Variants in XRCC4 observed in about 807,000 individuals in gnomAD.
The protein encoded by XRCC4 is X-ray repair cross complementing 4.
XRCC4 carries 28 observed loss-of-function variants against 39.1 expected under a neutral mutation model. The observed-to-expected ratio is 0.72, with a 90% CI of 0.53 to 0.98. The LOEUF is 0.98. Ranked by LOEUF, XRCC4 falls within the 50% of genes least tolerant of loss-of-function variation. The pLI is 0.00. For missense variants in XRCC4, 350 were observed against 376.4 expected (o/e 0.93, Z 0.58); for synonymous variants, 123 against 126.4 (o/e 0.97, Z 0.18).
At chr5:83,148,015 C>T (rs570120642) in intron 3 of XRCC4, among the ~76,000 whole-genome samples, 4 of 151,952 alleles carry the variant, frequency 2.6e-5, no homozygotes, top group Admixed American at 1.3e-4. Context: ...CTCGAACTCC[C>T]GGTCTCAGGT....
At chr5:83,246,293 A>G (rs550816026) in intron 6 of XRCC4, among the ~76,000 whole-genome samples, 8 of 152,248 alleles carry the variant, frequency 5.3e-5, no homozygotes, top group Admixed American at 4.6e-4. Context: ...TTATTTACAA[A>G]TAATATACTC....
intron 6 of XRCC4, among the ~76,000 whole-genome samples, chr5:83,249,962 C>G (rs941730572): frequency 1.3e-5 from 2 of 152,072 alleles, no homozygotes; most frequent in African/African-American, 4.8e-5. Flanking sequence ...ATGAAAGCCT[C>G]TCTAAGCTTT....
At chr5:83,283,534 T>C (rs1754626234) in intron 7 of XRCC4, among the ~76,000 whole-genome samples, 1 of 152,160 alleles carries the variant, frequency 6.6e-6, no homozygotes, top group Non-Finnish European at 1.5e-5. Flanking sequence ...GTCCAAAAGC[T>C]CTCATATAAC....
chr5:83,362,294 C>CAAAAAAAAAA, the XRCC4 span, among the ~76,000 whole-genome samples: 5 of 73,166 alleles, frequency 6.8e-5, no homozygotes, highest in Admixed American at 3.2e-4. Context: ...GCTATTTAGG[C>CAAAAAAAAAA]AAAAAAAAAA....
At chr5:83,179,076 A>G (rs948878862) in intron 3 of XRCC4, among the ~76,000 whole-genome samples, 3 of 152,218 alleles carry the variant, frequency 2.0e-5, no homozygotes, top group Non-Finnish European at 2.9e-5. Flanking sequence ...GGCATTTCTC[A>G]TAGTAACAGC....
chr5:83,114,845 C>T (rs1034309105), intron 3 of XRCC4, among the ~76,000 whole-genome samples: 7 of 152,134 alleles, frequency 4.6e-5, no homozygotes, highest in African/African-American at 1.7e-4. Flanking sequence ...TGTTCTTACA[C>T]TGCTAATAAA....
At chr5:83,276,528 A>T (rs28969555) in intron 7 of XRCC4, among the ~76,000 whole-genome samples, 2 of 145,562 alleles carry the variant, frequency 1.4e-5, no homozygotes, top group African/African-American at 4.9e-5. Flanking sequence ...AAGAAGAGAA[A>T]TCTGAGCTGG....
intron 7 of XRCC4, among the ~76,000 whole-genome samples, chr5:83,297,052 A>G (rs1262176341): frequency 6.6e-6 from 1 of 151,978 alleles, no homozygotes; most frequent in African/African-American, 2.4e-5. Flanking sequence ...AAGGGAGATA[A>G]TATTATTAAC....
At chr5:83,162,916 CCTTTTTCTTTTTTTTTT>C (rs1749283414) in intron 3 of XRCC4, among the ~76,000 whole-genome samples, 1 of 148,050 alleles carries the variant, frequency 6.8e-6, no homozygotes, top group African/African-American at 2.5e-5. Context: ...ATTTTTTTTT[CCTTTTTCTTTTTTTTTT>C]CTTTTTCTTT....
chr5:83,358,396 TTCCTC>T (rs1561490731), downstream of XRCC4, among the ~76,000 whole-genome samples: 3 of 152,156 alleles, frequency 2.0e-5, no homozygotes, highest in African/African-American at 7.2e-5. Flanking sequence ...TTTTTTTCTT[TTCCTC>T]TCCTCTATTT....
intron 6 of XRCC4, among the ~76,000 whole-genome samples, chr5:83,214,548 A>G (rs1393327936): frequency 6.6e-6 from 1 of 151,976 alleles, no homozygotes; most frequent in Non-Finnish European, 1.5e-5. Context: ...AAAATAAGGA[A>G]TTGGCCAGGC....
intron 6 of XRCC4, among the ~76,000 whole-genome samples, chr5:83,208,973 G>T (rs1183385947): frequency 6.6e-6 from 1 of 151,898 alleles, no homozygotes; most frequent in Non-Finnish European, 1.5e-5. Context: ...TGTAGCTCAA[G>T]CTTTGGACTA....
At chr5:83,152,837 G>C (rs1453072570) in intron 3 of XRCC4, among the ~76,000 whole-genome samples, 1 of 152,000 alleles carries the variant, frequency 6.6e-6, no homozygotes, top group Non-Finnish European at 1.5e-5. Flanking sequence ...TCGTGCAGTC[G>C]ATCTACAGTA....
chr5:83,324,182 A>G (rs547907238), intron 7 of XRCC4, among the ~76,000 whole-genome samples: 1 of 152,266 alleles, frequency 6.6e-6, no homozygotes, highest in Non-Finnish European at 1.5e-5. Flanking sequence ...GCCTGTTCCT[A>G]TTAAGCCGCA....
At position 83,337,578 on chromosome 5, in the gene XRCC4, G is replaced by A. The variant is rs142589986; in HGVS notation, c.894-15553G>A. Among the ~76,000 whole-genome samples the A allele has an allele frequency of 1.2e-4, 19 of 152,166 alleles. No individual in the cohort carries two copies. In the East Asian group the frequency reaches 3.7e-3, roughly 29 times the overall value. ...ACCCATCCACCAGATATGAATGAAA[G>A]AGCTTTTGGATGGCTCTCAGCCTTG... On this transcript the variant is annotated intron_variant, in intron 7 of 7. Coordinates refer to ENST00000396027, the MANE Select transcript of XRCC4 (RefSeq NM_003401.5).
intron 1 of XRCC4, among the ~76,000 whole-genome samples, chr5:83,095,544 G>A (rs1466962603): frequency 1.3e-5 from 2 of 152,178 alleles, no homozygotes; most frequent in Admixed American, 6.5e-5. Flanking sequence ...TCTGTTGTGG[G>A]ATGGTGGAGG....
intron 7 of XRCC4, among the ~76,000 whole-genome samples, chr5:83,326,721 G>T (rs1446366961): frequency 6.6e-6 from 1 of 151,978 alleles, no homozygotes; most frequent in Admixed American, 6.6e-5. Context: ...ACCAAGTCGT[G>T]CCAGAAAGCA....
chr5:83,154,022 G>C (rs1198051499), intron 3 of XRCC4, among the ~76,000 whole-genome samples: 6 of 152,144 alleles, frequency 3.9e-5, no homozygotes, highest in Non-Finnish European at 8.8e-5. Flanking sequence ...AAGCTAGTTG[G>C]ATTTTTGGAA....
At chr5:83,203,986 C>T (rs753500766) in intron 5 of XRCC4, among the ~76,000 whole-genome samples, 2 of 151,904 alleles carry the variant, frequency 1.3e-5, no homozygotes, top group Non-Finnish European at 2.9e-5. Context: ...GTAAGACATA[C>T]TAATTTAAAA....
Sources: gnomAD v4.1 joint callset for allele counts (sites outside exome capture counted in the v4.1 genomes callset) on GRCh38, gnomAD v4.1.1 for gene constraint, MANE v1.5 for transcripts, NCBI Gene and HGNC (gene_info 2026-07-23, HGNC 2026-07-21) for gene names.